CAPZB: variants seen among roughly 807,000 people sequenced by gnomAD.
CAPZB encodes the protein F-actin-capping protein subunit beta.
In CAPZB, 2 loss-of-function variants were observed where a neutral mutation model predicts 38.1. That is an observed-to-expected ratio of 0.05 (90% CI 0.02 to 0.17). The LOEUF is 0.17. Ranked by LOEUF, CAPZB falls within the 10% of genes least tolerant of loss-of-function variation. CAPZB has a pLI of 1.00. For missense variants in CAPZB, 161 were observed against 334.2 expected (o/e 0.48, Z 4.04); for synonymous variants, 107 against 127.4 (o/e 0.84, Z 1.08).
At chr1:19,413,419 G>T (rs972866529) in intron 2 of CAPZB, among the ~76,000 whole-genome samples, 3 of 152,164 alleles carry the variant, frequency 2.0e-5, no homozygotes, top group Admixed American at 6.5e-5. Context: ...CTGCAGCTTT[G>T]ACCTCCTGGG....
Position 19,357,624 on chromosome 1 carries a change from C to CCAGGCTGCTGCTCAGCAAAG in CAPZB, c.330-81_330-62dup. ...AAAGGACAGATCATCAGCCTGGGTC[C>CCAGGCTGCTGCTCAGCAAAG]CAGGCTGCTGCTCAGCAAAGATTCT... is the stretch of plus-strand genomic sequence containing the variant. On this transcript the variant is annotated intron_variant, in intron 4 of 8. Coordinates refer to ENST00000264202, the MANE Select transcript of CAPZB (RefSeq NM_004930.5). This position sits in a 1 kb window ranked among gnomAD's most constrained non-coding sequence, Gnocchi z 4.3. 6.4e-7 allele frequency: 1 copy of CCAGGCTGCTGCTCAGCAAAG among 1,564,316 alleles called. No homozygotes were observed. Among genetic ancestry groups the CCAGGCTGCTGCTCAGCAAAG allele is most frequent in the Non-Finnish European group, 8.8e-7 (1 of 1,140,212 alleles).
Position 19,408,820 on chromosome 1 carries a change from T to G in CAPZB, c.93+10841A>C, listed in dbSNP as rs953234405. Among the ~76,000 whole-genome samples, 12 of 152,200 alleles carry G rather than the reference T, an allele frequency of 7.9e-5. 1 individual carries two copies. The highest frequency in any genetic ancestry group is 2.9e-4 in the African/African-American group (12 of 41,458). On this transcript the variant is annotated intron_variant, in intron 2 of 8. Transcript: ENST00000264202. ...CAGGTCTCCTGACTTCCAGTAAGATTTGCCAAGGCACCTTCTTAATGGACA... is the reference window on the plus strand; with the variant it reads ...CAGGTCTCCTGACTTCCAGTAAGATGTGCCAAGGCACCTTCTTAATGGACA...
At chr1:19,340,549 C>T (rs182361341) in intron 8 of CAPZB, among the ~76,000 whole-genome samples, 10 of 152,232 alleles carry the variant, frequency 6.6e-5, no homozygotes, top group Non-Finnish European at 7.4e-5. Context: ...ACTATCAACC[C>T]GGCCGGATGT....
intron 1 of CAPZB, among the ~76,000 whole-genome samples, chr1:19,450,143 CCAAAAAAAAAAA>C (rs1414889709): frequency 1.0e-4 from 4 of 39,042 alleles, no homozygotes; most frequent in East Asian, 6.3e-4. Flanking sequence ...GACCCTGTCT[CCAAAAAAAAAAA>C]AAAAAAAAAA....
At chr1:19,484,355 TCATCCTTGTCCTGTGGGCCACC>T (rs1423176507) in intron 1 of CAPZB, 1 of 1,555,944 alleles carries the variant, frequency 6.4e-7, no homozygotes, top group Admixed American at 1.9e-5. Flanking sequence ...GATTGTGCGT[TCATCCTTGTCCTGTGGGCCACC>T]CATCCTCGCC....
chr1:19,445,207 G>C (rs1380464755), intron 1 of CAPZB, among the ~76,000 whole-genome samples: 1 of 152,096 alleles, frequency 6.6e-6, no homozygotes, highest in Non-Finnish European at 1.5e-5. Context: ...AGTTTGCAAA[G>C]GTGTTTTAAG....
At chr1:19,461,671 T>C (rs1172000906) in intron 1 of CAPZB, among the ~76,000 whole-genome samples, 1 of 152,232 alleles carries the variant, frequency 6.6e-6, no homozygotes, top group Non-Finnish European at 1.5e-5. Flanking sequence ...TTTAAGTGTT[T>C]ATGGAAACGA....
chr1:19,402,982 G>C (rs1168465101), intron 2 of CAPZB, among the ~76,000 whole-genome samples: 2 of 152,124 alleles, frequency 1.3e-5, no homozygotes, highest in East Asian at 1.9e-4. Flanking sequence ...CAGGGAGGCA[G>C]AGGTTGCAGT....
Position 19,376,608 on chromosome 1 carries a change from G to C in CAPZB, c.329+1932C>G, listed in dbSNP as rs547842345. ...CTGGCTTCCTCAATGTCAGACCTCA[G>C]TCAAGTGTCTCCTCAAGAGGCCTCA... On this transcript the variant is annotated intron_variant, in intron 4 of 8. Transcript: ENST00000264202. 2.0e-4 allele frequency among the ~76,000 whole-genome samples: 31 copies of C among 152,308 alleles called. No homozygotes were observed. The South Asian group carries it at 6.4e-3, about 32-fold the overall frequency.
At chr1:19,377,608 G>A (rs2094150527) in intron 4 of CAPZB, among the ~76,000 whole-genome samples, 1 of 152,228 alleles carries the variant, frequency 6.6e-6, no homozygotes, top group South Asian at 2.1e-4. Flanking sequence ...GAGACCTTAT[G>A]TGGCCTGCAA....
At chr1:19,432,988 G>A (rs944406627) in intron 1 of CAPZB, among the ~76,000 whole-genome samples, 1 of 152,126 alleles carries the variant, frequency 6.6e-6, no homozygotes, top group African/African-American at 2.4e-5. Context: ...CACTATCCCT[G>A]GCAGGTGGAT....
At chr1:19,342,908 C>T (rs776588900) in intron 8 of CAPZB, 15 of 1,208,676 alleles carry the variant, frequency 1.2e-5, no homozygotes, top group Admixed American at 5.1e-5. Flanking sequence ...GGGAAGAGAA[C>T]GACGAGAAGC....
At chr1:19,372,329 T>C (rs1014911241) in intron 4 of CAPZB, among the ~76,000 whole-genome samples, 5 of 152,202 alleles carry the variant, frequency 3.3e-5, no homozygotes, top group East Asian at 1.9e-4. Flanking sequence ...CTTCAGAGCA[T>C]TGGGCGAGAT....
At chr1:19,404,836 T>C (rs2094322923) in intron 2 of CAPZB, among the ~76,000 whole-genome samples, 1 of 152,112 alleles carries the variant, frequency 6.6e-6, no homozygotes, top group South Asian at 2.1e-4. Flanking sequence ...GCACCAAGTA[T>C]TTTCCCTACA....
intron 2 of CAPZB, among the ~76,000 whole-genome samples, chr1:19,409,879 A>G (rs2094350000): frequency 6.6e-6 from 1 of 152,246 alleles, no homozygotes; most frequent in South Asian, 2.1e-4. Context: ...TCTCAAGATC[A>G]AATACTGATG....
intron 1 of CAPZB, among the ~76,000 whole-genome samples, chr1:19,425,468 T>C (rs1339112197): frequency 6.6e-6 from 1 of 151,290 alleles, no homozygotes; most frequent in East Asian, 1.9e-4. Flanking sequence ...CAAGGAAGAG[T>C]CCTTGTTAGG....
intron 1 of CAPZB, among the ~76,000 whole-genome samples, chr1:19,446,300 C>G (rs1362755450): frequency 1.3e-5 from 2 of 151,414 alleles, no homozygotes; most frequent in Non-Finnish European, 2.9e-5. Context: ...GAAAACCACC[C>G]CTGACAACAT....
chr1:19,412,839 C>T (rs1187208070), intron 2 of CAPZB, among the ~76,000 whole-genome samples: 1 of 152,140 alleles, frequency 6.6e-6, no homozygotes, highest in Non-Finnish European at 1.5e-5. Flanking sequence ...CCTCTAACAC[C>T]TTTATGAGTA....
chr1:19,348,071 C>T (rs1334078215), intron 6 of CAPZB, among the ~76,000 whole-genome samples: 1 of 152,132 alleles, frequency 6.6e-6, no homozygotes, highest in Non-Finnish European at 1.5e-5. Context: ...ACTAGGAAAG[C>T]TTTTGTGCAA....
Sources: gnomAD v4.1 joint callset for allele counts (sites outside exome capture counted in the v4.1 genomes callset) on GRCh38, gnomAD v4.1.1 for gene constraint, Gnocchi (gnomAD v3.1) non-coding constraint, MANE v1.5 for transcripts, NCBI Gene and HGNC (gene_info 2026-07-23, HGNC 2026-07-21) for gene names.